LRRC8E: variants seen among roughly 807,000 people sequenced by gnomAD.
LRRC8E encodes leucine rich repeat containing 8 VRAC subunit E.
In LRRC8E, 6 loss-of-function variants were observed where a neutral mutation model predicts 6.1. The observed-to-expected ratio is 0.98, with a 90% CI of 0.54 to 1.93. LRRC8E has a LOEUF of 1.93. LRRC8E is among the 30% of genes most tolerant of loss of function. The probability of loss-of-function intolerance (pLI) is 0.01; values close to 1 mark genes in which losing one functional copy is unlikely to be tolerated. For synonymous variants in LRRC8E, 485 were observed against 472.8 expected (o/e 1.03, Z -0.33); for missense variants, 1,028 against 1,031.4 (o/e 1.00, Z 0.04).
intron 1 of LRRC8E, among the ~76,000 whole-genome samples, chr19:7,894,257 ACT>A (rs1981462472): frequency 6.6e-6 from 1 of 151,672 alleles, no homozygotes; most frequent in Non-Finnish European, 1.5e-5. Flanking sequence ...ATGGAGTCTC[ACT>A]CTGTCACCCA....
rs1176906371 is a variant in LRRC8E at position 7,895,218 on chromosome 19, G to A, written c.-5-381G>A. 2 of 194,212 alleles carry A rather than the reference G, an allele frequency of 1.0e-5. No individual in the cohort carries two copies. The highest frequency in any genetic ancestry group is 2.2e-5 in the Non-Finnish European group (2 of 91,092). 12.0% of individuals were successfully genotyped at this position (194,212 alleles called of 1,614,324 possible). On this transcript the variant is annotated intron_variant, in intron 1 of 2. Transcript: ENST00000306708. This position sits in a 1 kb window ranked among gnomAD's most constrained non-coding sequence, Gnocchi z 4.7. ...AGTGTCTGCAGTCAGGGAGCATCGA[G>A]GCAGATGTTTTCAGGCCTTGGTGTC...
intron 1 of LRRC8E, among the ~76,000 whole-genome samples, chr19:7,894,040 G>C (rs556728917): frequency 1.3e-5 from 2 of 152,154 alleles, no homozygotes; most frequent in East Asian, 1.9e-4. Context: ...CCCAAAATAT[G>C]GGGGGGACAC....
chr19:7,899,652 A>T lies in LRRC8E; in HGVS notation c.1130A>T (p.Tyr377Phe). ...LHLIDQYDSL[Y>F]SKRFAVFLSE... ...CTCATCGATCAGTACGACTCCCTCTACTCCAAGCGCTTCGCCGTCTTCCTG... is the reference window on the plus strand; with the variant it reads ...CTCATCGATCAGTACGACTCCCTCTTCTCCAAGCGCTTCGCCGTCTTCCTG... Residue 377 changes from tyrosine (Y) to phenylalanine (F), a missense_variant, in exon 3 of 3, where the codon TAC (tyrosine) becomes TTC (phenylalanine). By Grantham distance (22) the Tyr-to-Phe change is conservative. Coordinates refer to ENST00000306708, the MANE Select transcript of LRRC8E (RefSeq NM_025061.6). The T allele has an allele frequency of 6.2e-7, 1 of 1,613,404 alleles. No individual in the cohort carries two copies. The highest frequency in any genetic ancestry group is 2.2e-5 in the East Asian group (1 of 44,868).
In LRRC8E at chr19:7,898,768, G is replaced by A. The variant is rs140884159; in HGVS notation, c.246G>A (p.Gly82=). 27 of 1,613,988 alleles carry A rather than the reference G, an allele frequency of 1.7e-5. No individual in the cohort carries two copies. The African/African-American group carries it at 3.6e-4, about 22-fold the overall frequency. ...LLPRGIPEQI[G]ALQEVKGLKN... ...CTCGGGGGATCCCTGAGCAGATTGG[G>A]GCCCTGCAGGAGGTTAAAGGCCTTA... The change falls in exon 3 of 3, where the codon GGG becomes GGA. Residue 82 remains glycine (G), a synonymous_variant. Coordinates refer to ENST00000306708, the MANE Select transcript of LRRC8E (RefSeq NM_025061.6).
chr19:7,896,644 A>G (rs1323136476), intron 2 of LRRC8E, among the ~76,000 whole-genome samples: 4 of 151,048 alleles, frequency 2.6e-5, no homozygotes, highest in Non-Finnish European at 5.9e-5. Context: ...TCCAGGTTGG[A>G]GTGCAGTGGC....
At chr19:7,893,536 G>A (rs1194952857) in intron 1 of LRRC8E, 1 of 148,248 alleles carries the variant, frequency 6.7e-6, no homozygotes, top group Non-Finnish European at 1.5e-5. Context: ...CTGAGTCAGG[G>A]AACCCATGAC....
rs1187340487 is a variant in LRRC8E, at chr19:7,895,915, C to T, written c.138+174C>T. On this transcript the variant is annotated intron_variant, in intron 2 of 2. Coordinates refer to ENST00000306708, the MANE Select transcript of LRRC8E (RefSeq NM_025061.6). This position sits in a 1 kb window ranked among gnomAD's most constrained non-coding sequence, Gnocchi z 4.7. ...CCTCCATAGCCAGGAGCACCGGAGT[C>T]CCCACATTGCTATGCCATTCCATAT... 6.6e-6 allele frequency among the ~76,000 whole-genome samples: 1 copy of T among 152,156 alleles called. No homozygotes were observed. The highest frequency in any genetic ancestry group is 1.5e-5 in the Non-Finnish European group (1 of 68,028).
intron 1 of LRRC8E, among the ~76,000 whole-genome samples, chr19:7,890,209 A>C (rs575815939): frequency 4.5e-4 from 69 of 152,138 alleles, no homozygotes; most frequent in African/African-American, 1.6e-3. Flanking sequence ...GGAACTCATC[A>C]CCACATTTTT....
At chr19:7,892,447 A>G (rs1053313543) in intron 1 of LRRC8E, among the ~76,000 whole-genome samples, 1 of 152,112 alleles carries the variant, frequency 6.6e-6, no homozygotes, top group African/African-American at 2.4e-5. Context: ...GGCTCAAGCA[A>G]TCCTCCTGCC....
chr19:7,899,525 T>C lies in LRRC8E; in HGVS notation c.1003T>C (p.Phe335Leu), dbSNP rs890395933. ...CTGCATCTACACGCTCTACTGGCTC[T>C]TCCACCGGCCCCTCAAGGAGTACTC... ...LTCIYTLYWL[F>L]HRPLKEYSFR... The change falls in exon 3 of 3, where the codon TTC becomes CTC. Residue 335 changes from phenylalanine to leucine, a missense_variant. Phe to Leu is a conservative substitution (Grantham distance 22, BLOSUM62 0). Transcript: ENST00000306708. The C allele has an allele frequency of 6.2e-7, 1 of 1,613,992 alleles. No homozygotes were observed. Among genetic ancestry groups the C allele is most frequent in the Non-Finnish European group, 8.5e-7 (1 of 1,180,030 alleles).
chr19:7,895,416 C>G lies in LRRC8E; in HGVS notation c.-5-183C>G. The G allele has an allele frequency of 1.5e-6, 1 of 677,176 alleles. No homozygotes were observed. The highest frequency in any genetic ancestry group is 1.8e-5 in the South Asian group (1 of 54,770). 41.9% of individuals were successfully genotyped at this position (677,176 alleles called of 1,614,324 possible). On this transcript the variant is annotated intron_variant, in intron 1 of 2. Coordinates refer to ENST00000306708, the MANE Select transcript of LRRC8E (RefSeq NM_025061.6). This position sits in a 1 kb window ranked among gnomAD's most constrained non-coding sequence, Gnocchi z 4.7. ...CTTGGTTCTGGGCAGGTGGTGACGTCTGCATGGAGGGTGACTAAGGCCAGG... is the reference window on the plus strand; with the variant it reads ...CTTGGTTCTGGGCAGGTGGTGACGTGTGCATGGAGGGTGACTAAGGCCAGG...
chr19:7,890,555 C>A (rs140731193), intron 1 of LRRC8E, among the ~76,000 whole-genome samples: 1 of 151,686 alleles, frequency 6.6e-6, no homozygotes, highest in Admixed American at 6.6e-5. Context: ...TTTGGGAGGC[C>A]GAGGCAGGCA....
rs1382742385 is a variant in LRRC8E, at chr19:7,899,437, G to A, written c.915G>A (p.Lys305=). 4 of 1,614,126 alleles carry A rather than the reference G, an allele frequency of 2.5e-6. No homozygotes were observed. Among genetic ancestry groups the A allele is most frequent in the Non-Finnish European group, 3.4e-6 (4 of 1,180,036 alleles). The change falls in exon 3 of 3, where the codon AAG becomes AAA. Residue 305 remains lysine (K), a synonymous_variant. Transcript: ENST00000306708. Reference sequence around the variant, plus strand: ...CCAGCTTCTGCTGCAACCACACCAAGGCCCACCTCTTCTCCAAGCTGGCCT... The same window carrying A: ...CCAGCTTCTGCTGCAACCACACCAAAGCCCACCTCTTCTCCAAGCTGGCCT... The part of the protein sequence containing the change: ...GYASFCCNHT[K]AHLFSKLAFC...
Position 7,895,978 on chromosome 19 carries a change from C to T in LRRC8E, c.138+237C>T, listed in dbSNP as rs1183107278. On this transcript the variant is annotated intron_variant, in intron 2 of 2. Transcript: ENST00000306708. This position sits in a 1 kb window ranked among gnomAD's most constrained non-coding sequence, Gnocchi z 4.7. ...TTTGAGACGGAGTCTCACTCTGTCA[C>T]CCAGGCTAGAGTACAGTGGCATGAT... Among the ~76,000 whole-genome samples, 1 of 152,128 alleles carries T rather than the reference C, an allele frequency of 6.6e-6. No individual in the cohort carries two copies. Among genetic ancestry groups the T allele is most frequent in the Non-Finnish European group, 1.5e-5 (1 of 68,022 alleles).
chr19:7,894,606 G>A (rs550261678), intron 1 of LRRC8E, among the ~76,000 whole-genome samples: 28 of 152,304 alleles, frequency 1.8e-4, no homozygotes, highest in African/African-American at 6.7e-4. Flanking sequence ...GAAGTGGGCT[G>A]GTCTAAGGTT....
intron 1 of LRRC8E, among the ~76,000 whole-genome samples, chr19:7,891,610 T>A (rs1206509405): frequency 6.6e-6 from 1 of 151,550 alleles, no homozygotes; most frequent in East Asian, 1.9e-4. Flanking sequence ...AGTTTTTGTT[T>A]TGTTTTGTTT....
rs1453042815 is a variant in LRRC8E, at chr19:7,901,788, T to C, written c.*875T>C. 1 of 142,128 alleles carries C rather than the reference T, an allele frequency of 7.0e-6. No individual in the cohort carries two copies. Among genetic ancestry groups the C allele is most frequent in the East Asian group, 2.3e-4 (1 of 4,352 alleles). 8.8% of individuals were successfully genotyped at this position (142,128 alleles called of 1,614,324 possible). A position where few individuals can be genotyped will look rare whatever the true frequency, so the allele number is the denominator to read the frequency against. ...TGAGGTCCTAGACCCTTTGAGAAAC[T>C]GATGAAGCCAGGCACCTCCTTCCTC... On this transcript the variant is annotated 3_prime_UTR_variant, in exon 3 of 3. Coordinates refer to ENST00000306708, the MANE Select transcript of LRRC8E (RefSeq NM_025061.6).
chr19:7,892,525 G>C lies in LRRC8E; in HGVS notation c.-5-3074G>C, dbSNP rs555893310. Among the ~76,000 whole-genome samples, 44 of 152,238 alleles carry C rather than the reference G, an allele frequency of 2.9e-4. No homozygotes were observed. The South Asian group carries it at 6.8e-3, about 24-fold the overall frequency. ...ACCCAGCCTGGGGTCAGCATTCTTAGGTAAAGCAACTGAGCAGTGTCCCTG... is the reference window on the plus strand; with the variant it reads ...ACCCAGCCTGGGGTCAGCATTCTTACGTAAAGCAACTGAGCAGTGTCCCTG... On this transcript the variant is annotated intron_variant, in intron 1 of 2. Transcript: ENST00000306708.
rs766544237 is a variant in LRRC8E at position 7,899,131 on chromosome 19, G to A, written c.609G>A (p.Lys203=). 1 of 1,613,584 alleles carries A rather than the reference G, an allele frequency of 6.2e-7. No homozygotes were observed. The highest frequency in any genetic ancestry group is 8.5e-7 in the Non-Finnish European group (1 of 1,179,634). ...CGGGGAAGGCAGGGGAGGGTGAGAA[G>A]GAGAAAGTGCTGGCGGAACCGGAGA... is the stretch of plus-strand genomic sequence containing the variant. ...TGPGKAGEGE[K]EKVLAEPEKV... The change falls in exon 3 of 3, where the codon AAG becomes AAA. Residue 203 remains lysine (K), a synonymous_variant. Coordinates refer to ENST00000306708, the MANE Select transcript of LRRC8E (RefSeq NM_025061.6).
Sources: allele counts gnomAD v4.1 joint callset (sites outside exome capture counted in the v4.1 genomes callset), GRCh38; gene constraint gnomAD v4.1.1; non-coding constraint Gnocchi (gnomAD v3.1); transcripts MANE v1.5; gene names NCBI Gene and HGNC (gene_info 2026-07-23, HGNC 2026-07-21).